The following SEMA3A variants were observed in gnomAD, a reference collection of about 807,000 sequenced individuals.
SEMA3A encodes the protein semaphorin 3A, also known as semaphorin-3A.
A neutral mutation model predicts 97.9 loss-of-function variants in SEMA3A; 29 were observed. The observed-to-expected ratio is 0.30, with a 90% CI of 0.22 to 0.40. The LOEUF (loss-of-function observed/expected upper bound fraction) is 0.40, where lower values mean the gene tolerates loss of function less well. Ranked by LOEUF, SEMA3A falls within the 10% of genes least tolerant of loss-of-function variation. SEMA3A has a pLI of 1.00. For synonymous variants in SEMA3A, 321 were observed against 323.7 expected, an observed-to-expected ratio of 0.99 and a Z score of 0.09; for missense variants, 763 against 951.3, an observed-to-expected ratio of 0.80 and a Z score of 2.60.
At chr7:84,071,503 C>T (rs1163894417) in intron 4 of SEMA3A, among the ~76,000 whole-genome samples, 1 of 152,056 alleles carries the variant, frequency 6.6e-6, no homozygotes, top group African/African-American at 2.4e-5. Context: ...AAAAAATACT[C>T]ACTCTATTTT....
intron 4 of SEMA3A, among the ~76,000 whole-genome samples, chr7:84,096,856 G>A (rs1794788747): frequency 6.9e-6 from 1 of 144,924 alleles, no homozygotes; most frequent in Admixed American, 6.8e-5. Context: ...TTCCCATTCT[G>A]TTAGATAAAT....
chr7:83,986,058 G>A (rs1447592725), intron 12 of SEMA3A, among the ~76,000 whole-genome samples: 1 of 152,132 alleles, frequency 6.6e-6, no homozygotes. Context: ...TTACAAAATG[G>A]TTTTGCTTTT....
At chr7:84,165,704 C>T (rs985010170) in intron 1 of SEMA3A, among the ~76,000 whole-genome samples, 1 of 151,974 alleles carries the variant, frequency 6.6e-6, no homozygotes, top group Non-Finnish European at 1.5e-5. Flanking sequence ...AGGTGTGGGC[C>T]ACCATACCCG....
chr7:84,093,377 A>G (rs1794654520), intron 4 of SEMA3A, among the ~76,000 whole-genome samples: 1 of 152,170 alleles, frequency 6.6e-6, no homozygotes, highest in African/African-American at 2.4e-5. Flanking sequence ...CCATGAGAAC[A>G]TACATAATGG....
intron 12 of SEMA3A, among the ~76,000 whole-genome samples, chr7:83,996,597 A>G (rs1790230927): frequency 6.6e-6 from 1 of 152,144 alleles, no homozygotes; most frequent in Non-Finnish European, 1.5e-5. Context: ...CACCACGCCC[A>G]GCCTTTACTA....
upstream of SEMA3A, chr7:84,195,024 A>AGAGAGAGAGAAAGAGAGAGAGAG (rs1798179833): frequency 8.5e-5 from 12 of 140,650 alleles, no homozygotes; most frequent in African/African-American, 2.2e-4. Context: ...GAGAGAGAGA[A>AGAGAGAGAGAAAGAGAGAGAGAG]AGAGAGAGAG....
At position 83,985,465 on chromosome 7, in the gene SEMA3A, T is replaced by C. The variant is rs1184576097; in HGVS notation, c.1465A>G (p.Ile489Val). 1.9e-6 allele frequency: 3 copies of C among 1,610,294 alleles called. No homozygotes were observed. Among genetic ancestry groups the C allele is most frequent in the Admixed American group, 1.7e-5 (1 of 59,690 alleles). The change falls in exon 13 of 17, where the codon ATT (isoleucine) becomes GTT (valine). Residue 489 changes from isoleucine (I) to valine (V), a missense_variant. Around this residue, in one of 2 missense-constraint regions of SEMA3A, gnomAD observed 678 missense variants for 881.3 expected, o/e 0.77. Coordinates refer to ENST00000265362, the MANE Select transcript of SEMA3A (RefSeq NM_006080.3). ...EMTVFREPTA[I>V]SAMELSTKQQ... ...TTAGTGGAAAGCTCCATTGCTGAAATAGCAGTCGGTTCCTAAAGGAGAAAA... is the reference window on the plus strand; with the variant it reads ...TTAGTGGAAAGCTCCATTGCTGAAACAGCAGTCGGTTCCTAAAGGAGAAAA...
chr7:84,404,689 T>G (rs546347988), intron 1 of SEMA3A, among the ~76,000 whole-genome samples: 84 of 152,144 alleles, frequency 5.5e-4, no homozygotes, highest in Non-Finnish European at 8.2e-4. Flanking sequence ...GACTAACAGC[T>G]GATCTCTTGG....
chr7:84,108,643 C>T (rs143151880), intron 4 of SEMA3A, among the ~76,000 whole-genome samples: 12 of 152,212 alleles, frequency 7.9e-5, no homozygotes, highest in Admixed American at 2.6e-4. Flanking sequence ...CAGTGGCTCA[C>T]GCCTGTAATC....
chr7:84,134,107 G>T (rs1796051285), intron 2 of SEMA3A, among the ~76,000 whole-genome samples: 1 of 151,956 alleles, frequency 6.6e-6, no homozygotes, highest in African/African-American at 2.4e-5. Context: ...TTAATGAAAT[G>T]AGCCAGAAAT....
chr7:84,382,635 G>T (rs1452989431), intron 1 of SEMA3A, among the ~76,000 whole-genome samples: 1 of 141,322 alleles, frequency 7.1e-6, no homozygotes, highest in Non-Finnish European at 1.5e-5. Flanking sequence ...AAGGCGGGCA[G>T]ATCATGAGGT....
intron 4 of SEMA3A, among the ~76,000 whole-genome samples, chr7:84,107,265 T>C (rs1288605740): frequency 2.6e-5 from 4 of 152,222 alleles, no homozygotes; most frequent in Admixed American, 2.6e-4. Context: ...GGTAGTGTTT[T>C]AAGTAAAATA....
chr7:84,060,206 G>C (rs1332105790), intron 5 of SEMA3A, among the ~76,000 whole-genome samples: 1 of 152,168 alleles, frequency 6.6e-6, no homozygotes, highest in African/African-American at 2.4e-5. Context: ...ACTGTACCAA[G>C]TGGGGCTGCA....
At chr7:83,980,623 A>AAAAAAAAAAAAAATATAT (rs1310318006) in intron 14 of SEMA3A, among the ~76,000 whole-genome samples, 11 of 71,750 alleles carry the variant, frequency 1.5e-4, no homozygotes, top group African/African-American at 6.7e-4. Context: ...AAAAAAAAAA[A>AAAAAAAAAAAAAATATAT]ATATATATAT....
At chr7:84,385,363 A>AACT (rs1205885150) in intron 1 of SEMA3A, among the ~76,000 whole-genome samples, 1 of 152,118 alleles carries the variant, frequency 6.6e-6, no homozygotes, top group African/African-American at 2.4e-5. Context: ...TACCCATCAG[A>AACT]ACTGGGTTTT....
intron 4 of SEMA3A, among the ~76,000 whole-genome samples, chr7:84,062,411 G>A (rs1281909549): frequency 6.6e-6 from 1 of 152,146 alleles, no homozygotes; most frequent in Non-Finnish European, 1.5e-5. Flanking sequence ...TAGGAAATAG[G>A]AGGAGCCAAG....
intron 3 of SEMA3A, among the ~76,000 whole-genome samples, chr7:84,127,767 G>A (rs1003323957): frequency 1.3e-5 from 2 of 152,054 alleles, no homozygotes; most frequent in African/African-American, 2.4e-5. Context: ...CATCATTGTA[G>A]GCAACTGTAA....
intron 6 of SEMA3A, among the ~76,000 whole-genome samples, chr7:84,037,421 A>G (rs567731895): frequency 2.0e-5 from 3 of 152,120 alleles, no homozygotes; most frequent in East Asian, 3.9e-4. Flanking sequence ...TTGACCTCCC[A>G]GGCTCAGGTG....
At chr7:84,139,779 G>T (rs1466409030) in intron 1 of SEMA3A, among the ~76,000 whole-genome samples, 1 of 151,936 alleles carries the variant, frequency 6.6e-6, no homozygotes, top group East Asian at 1.9e-4. Context: ...TATATGTAAA[G>T]TCCATTTGAT....
Sources: allele counts gnomAD v4.1 joint callset (sites outside exome capture counted in the v4.1 genomes callset), GRCh38; gene constraint gnomAD v4.1.1; regional missense constraint gnomAD v4.1.1; transcripts MANE v1.5; gene names NCBI Gene and HGNC (gene_info 2026-07-23, HGNC 2026-07-21).